COBL: variants seen among roughly 807,000 people sequenced by gnomAD.
COBL encodes the protein protein cordon-bleu.
A neutral mutation model predicts 98.8 loss-of-function variants in COBL; 51 were observed. The observed-to-expected ratio is 0.52, with a 90% confidence interval of 0.41 to 0.65. The LOEUF (loss-of-function observed/expected upper bound fraction) is 0.65. Ranked by LOEUF, COBL falls within the 30% of genes least tolerant of loss-of-function variation. COBL has a pLI of 0.00. For missense variants in COBL, 1,617 were observed against 1,617.5 expected (o/e 1.00, Z 0.01); for synonymous variants, 634 against 651.7 (o/e 0.97, Z 0.41).
intron 6 of COBL, among the ~76,000 whole-genome samples, chr7:51,112,146 T>C (rs1232707881): frequency 6.6e-6 from 1 of 152,192 alleles, no homozygotes; most frequent in Admixed American, 6.5e-5. Flanking sequence ...AATTTAATGG[T>C]TGCAAAAGCA....
At chr7:51,077,677 TC>T (rs1793224129) in intron 7 of COBL, among the ~76,000 whole-genome samples, 1 of 152,232 alleles carries the variant, frequency 6.6e-6, no homozygotes, top group East Asian at 1.9e-4. Flanking sequence ...TGAACACACC[TC>T]TTACTACAAA....
intron 6 of COBL, among the ~76,000 whole-genome samples, chr7:51,111,333 GC>G (rs1189865690): frequency 1.3e-5 from 2 of 152,072 alleles, no homozygotes; most frequent in Non-Finnish European, 2.9e-5. Context: ...GCCAGCATTT[GC>G]TTTTTCTCTC....
intron 1 of COBL, chr7:51,259,893 T>C (rs764799210): frequency 2.8e-5 from 21 of 757,742 alleles, no homozygotes; most frequent in Non-Finnish European, 4.1e-5. Context: ...ATCCTTTCAA[T>C]GCGTACAATA....
rs150471265 is a variant in COBL, at chr7:51,119,496, A to G, written c.957+16662T>C. Among the ~76,000 whole-genome samples, 1,147 of 152,328 alleles carry G rather than the reference A, an allele frequency of 7.5e-3. 8 individuals carry two copies. Among genetic ancestry groups the G allele is most frequent in the African/African-American group, 0.026 (1,099 of 41,586 alleles). On this transcript the variant is annotated intron_variant, in intron 6 of 12. Coordinates refer to ENST00000265136, the MANE Select transcript of COBL (RefSeq NM_015198.5). ...AGGAGGAGGGAGCGAAGCTGTGTTCATGATTCAAGGCCCTTTTCCTCTAAA... is the reference window on the plus strand; with the variant it reads ...AGGAGGAGGGAGCGAAGCTGTGTTCGTGATTCAAGGCCCTTTTCCTCTAAA...
chr7:51,158,838 G>C (rs1786469379), intron 5 of COBL, among the ~76,000 whole-genome samples: 1 of 152,194 alleles, frequency 6.6e-6, no homozygotes, highest in Non-Finnish European at 1.5e-5. Flanking sequence ...CATAGGGCGG[G>C]GGACAGGGAA....
At chr7:51,306,346 G>A (rs1271506069) in intron 1 of COBL, among the ~76,000 whole-genome samples, 1 of 152,166 alleles carries the variant, frequency 6.6e-6, no homozygotes, top group African/African-American at 2.4e-5. Context: ...TCATTACTGA[G>A]GCTCTTGCAG....
intron 12 of COBL, among the ~76,000 whole-genome samples, chr7:51,019,140 G>C (rs1427545758): frequency 2.0e-5 from 3 of 151,228 alleles, no homozygotes; most frequent in African/African-American, 4.9e-5. Context: ...TTAATAGGGG[G>C]AGTGTTACAG....
chr7:51,095,139 G>T (rs1314161490), intron 6 of COBL, among the ~76,000 whole-genome samples: 2 of 152,162 alleles, frequency 1.3e-5, no homozygotes, highest in African/African-American at 4.8e-5. Flanking sequence ...CACATGGGTG[G>T]GGAGGCCTCA....
At chr7:51,303,749 C>G (rs1802212407) in intron 1 of COBL, among the ~76,000 whole-genome samples, 1 of 152,184 alleles carries the variant, frequency 6.6e-6, no homozygotes, top group Admixed American at 6.5e-5. Flanking sequence ...CAAATGTATA[C>G]TGATCCGTTC....
chr7:51,072,013 T>C (rs552835885), intron 7 of COBL: 39 of 152,336 alleles, frequency 2.6e-4, no homozygotes, highest in African/African-American at 8.9e-4. Flanking sequence ...ATTGGTTATA[T>C]ATAGCTTTGG....
chr7:51,123,734 TCAAA>T (rs1797947022), intron 6 of COBL, among the ~76,000 whole-genome samples: 1 of 152,214 alleles, frequency 6.6e-6, no homozygotes, highest in South Asian at 2.1e-4. Flanking sequence ...AGTAAATGAG[TCAAA>T]CATTTTCTTC....
chr7:51,197,226 G>C (rs1164336439), intron 2 of COBL, among the ~76,000 whole-genome samples: 2 of 152,104 alleles, frequency 1.3e-5, no homozygotes, highest in African/African-American at 4.8e-5. Flanking sequence ...TTGTATCTTT[G>C]ATCTCATTAG....
At position 51,288,479 on chromosome 7, in the gene COBL, G is replaced by A. The variant is rs778438256; in HGVS notation, c.41+28114C>T. Among the ~76,000 whole-genome samples, 30 of 146,408 alleles carry A rather than the reference G, an allele frequency of 2.0e-4. 1 individual carries two copies. Among genetic ancestry groups the A allele is most frequent in the Admixed American group, 3.4e-4 (5 of 14,676 alleles). ...AACAATAATGAAAATGGGGCTGGGC[G>A]TGATGACTCACACCTGTAATCCCAG... On this transcript the variant is annotated intron_variant, in intron 1 of 12. Coordinates refer to ENST00000265136, the MANE Select transcript of COBL (RefSeq NM_015198.5).
intron 2 of COBL, among the ~76,000 whole-genome samples, chr7:51,209,475 G>A (rs1792198148): frequency 6.6e-6 from 1 of 152,178 alleles, no homozygotes; most frequent in African/African-American, 2.4e-5. Flanking sequence ...ACTACCATGA[G>A]TTCTGATTCT....
At chr7:51,209,091 T>C (rs932785358) in intron 2 of COBL, among the ~76,000 whole-genome samples, 1 of 140,334 alleles carries the variant, frequency 7.1e-6, no homozygotes. Context: ...AAGCCCTAGG[T>C]GCCTGATCAG....
intron 1 of COBL, among the ~76,000 whole-genome samples, chr7:51,236,264 C>A (rs1795250359): frequency 1.3e-5 from 2 of 152,140 alleles, no homozygotes; most frequent in Non-Finnish European, 2.9e-5. Flanking sequence ...TGATTTAAAA[C>A]ATAGAGGGGG....
intron 6 of COBL, among the ~76,000 whole-genome samples, chr7:51,117,244 T>G (rs1797354710): frequency 6.6e-6 from 1 of 152,220 alleles, no homozygotes; most frequent in South Asian, 2.1e-4. Flanking sequence ...AATTTGTAAA[T>G]TTTGTCTCAC....
chr7:51,044,063 A>G (rs1286824439), intron 7 of COBL, among the ~76,000 whole-genome samples: 1 of 152,242 alleles, frequency 6.6e-6, no homozygotes, highest in Non-Finnish European at 1.5e-5. Context: ...TGAGATCTTT[A>G]GAAAAACATT....
intron 4 of COBL, among the ~76,000 whole-genome samples, chr7:51,184,460 A>G (rs1789293452): frequency 6.6e-6 from 1 of 152,218 alleles, no homozygotes; most frequent in Non-Finnish European, 1.5e-5. Context: ...GCCCTTTTGG[A>G]GAATGACAAA....
Sources: allele counts gnomAD v4.1 joint callset (sites outside exome capture counted in the v4.1 genomes callset), GRCh38; gene constraint gnomAD v4.1.1; transcripts MANE v1.5; gene names NCBI Gene and HGNC (gene_info 2026-07-23, HGNC 2026-07-21).